The following SPATA16 variants were observed in gnomAD, a reference collection of about 807,000 sequenced individuals.
SPATA16 encodes the protein spermatogenesis associated 16.
Under a neutral mutation model 63.3 loss-of-function variants are expected in SPATA16, and 36 were observed. The observed-to-expected ratio is 0.57, with a 90% confidence interval of 0.44 to 0.75. The LOEUF (loss-of-function observed/expected upper bound fraction) is 0.75, where lower values mean the gene tolerates loss of function less well. Ranked by LOEUF, SPATA16 falls within the 30% of genes least tolerant of loss-of-function variation. The pLI is 0.00. For synonymous variants in SPATA16, 203 were observed against 216.7 expected (o/e 0.94, Z 0.56); for missense variants, 646 against 679.3 (o/e 0.95, Z 0.54).
At chr3:172,919,520 G>A (rs1732572211) in intron 8 of SPATA16, among the ~76,000 whole-genome samples, 1 of 152,122 alleles carries the variant, frequency 6.6e-6, no homozygotes, top group African/African-American at 2.4e-5. Context: ...ATCATTGTCT[G>A]ACACATAGAA....
chr3:172,979,702 G>A (rs549690901), intron 4 of SPATA16, among the ~76,000 whole-genome samples: 1 of 152,058 alleles, frequency 6.6e-6, no homozygotes, highest in Non-Finnish European at 1.5e-5. Context: ...ATTCTTAAGT[G>A]TGCTTTTTCA....
intron 6 of SPATA16, among the ~76,000 whole-genome samples, chr3:172,934,307 T>C (rs1263361208): frequency 6.6e-6 from 1 of 152,102 alleles, no homozygotes; most frequent in African/African-American, 2.4e-5. Context: ...GGAAGTGTAA[T>C]GACTTGCCCT....
At chr3:172,890,840 A>T (rs1247164109) in intron 10 of SPATA16, among the ~76,000 whole-genome samples, 1 of 151,154 alleles carries the variant, frequency 6.6e-6, no homozygotes, top group African/African-American at 2.4e-5. Flanking sequence ...TACATTTTTT[A>T]AAAAGCACAT....
intron 10 of SPATA16, among the ~76,000 whole-genome samples, chr3:172,890,631 T>G (rs1457150605): frequency 6.6e-6 from 1 of 152,112 alleles, no homozygotes; most frequent in Non-Finnish European, 1.5e-5. Context: ...TGATTTATCA[T>G]TCAGAGTAAT....
intron 2 of SPATA16, among the ~76,000 whole-genome samples, chr3:173,065,122 G>A (rs1736483587): frequency 6.6e-6 from 1 of 152,182 alleles, no homozygotes; most frequent in Non-Finnish European, 1.5e-5. Flanking sequence ...GATCAAATAA[G>A]CTTGTGATAT....
intron 10 of SPATA16, among the ~76,000 whole-genome samples, chr3:172,906,356 C>G (rs1428284442): frequency 6.6e-6 from 1 of 152,140 alleles, no homozygotes; most frequent in Non-Finnish European, 1.5e-5. Flanking sequence ...GCTCTGTATT[C>G]TTTCTGGATA....
intron 6 of SPATA16, among the ~76,000 whole-genome samples, chr3:172,935,488 T>A (rs1732964428): frequency 6.6e-6 from 1 of 152,250 alleles, no homozygotes; most frequent in Non-Finnish European, 1.5e-5. Context: ...ATAATTTTGA[T>A]AAATAATTTG....
At chr3:173,009,682 C>T (rs544088564) in intron 4 of SPATA16, among the ~76,000 whole-genome samples, 1 of 152,368 alleles carries the variant, frequency 6.6e-6, no homozygotes, top group Admixed American at 6.5e-5. Flanking sequence ...CAGGCAAGTC[C>T]CACCGGCTTG....
At chr3:172,928,529 A>T (rs1344302507) in intron 6 of SPATA16, among the ~76,000 whole-genome samples, 2 of 152,180 alleles carry the variant, frequency 1.3e-5, no homozygotes, top group African/African-American at 4.8e-5. Context: ...AACCAGCCTG[A>T]TGTTTGAGGA....
chr3:172,925,573 A>G, intron 6 of SPATA16, 81 bp from the exon 7 acceptor site: 8 of 1,562,130 alleles, frequency 5.1e-6, no homozygotes, highest in South Asian at 1.1e-5. Context: ...GATTTCAGGA[A>G]TTGTACTTGG....
At chr3:172,938,425 A>G (rs557790215) in intron 6 of SPATA16, among the ~76,000 whole-genome samples, 1 of 152,216 alleles carries the variant, frequency 6.6e-6, no homozygotes, top group Non-Finnish European at 1.5e-5. Flanking sequence ...GAAATGGGAT[A>G]AATAGATGGA....
At chr3:172,905,208 T>G (rs1422017088) in intron 10 of SPATA16, among the ~76,000 whole-genome samples, 1 of 152,088 alleles carries the variant, frequency 6.6e-6, no homozygotes, top group African/African-American at 2.4e-5. Flanking sequence ...GCAAGAAGAT[T>G]CACAATCAAA....
chr3:173,125,107 T>C (rs1738192782), intron 1 of SPATA16, among the ~76,000 whole-genome samples: 1 of 152,174 alleles, frequency 6.6e-6, no homozygotes, highest in Non-Finnish European at 1.5e-5. Flanking sequence ...TCCCATTCTC[T>C]AAAATTGTCC....
chr3:172,947,368 T>C (rs537385720), intron 6 of SPATA16, among the ~76,000 whole-genome samples: 1 of 152,262 alleles, frequency 6.6e-6, no homozygotes, highest in Non-Finnish European at 1.5e-5. Context: ...AAACATGACC[T>C]CACCAAACAA....
At chr3:173,136,049 C>A (rs2108351039) in intron 1 of SPATA16, among the ~76,000 whole-genome samples, 1 of 152,308 alleles carries the variant, frequency 6.6e-6, no homozygotes, top group Non-Finnish European at 1.5e-5. Context: ...TATCTACAAC[C>A]TTTGCATTGT....
intron 2 of SPATA16, among the ~76,000 whole-genome samples, chr3:173,093,308 A>G (rs1422916755): frequency 6.6e-6 from 1 of 152,170 alleles, no homozygotes; most frequent in Non-Finnish European, 1.5e-5. Flanking sequence ...GTACTGATTA[A>G]TGAAATAAAA....
chr3:173,101,432 T>A (rs1398927116), intron 2 of SPATA16, among the ~76,000 whole-genome samples: 1 of 152,146 alleles, frequency 6.6e-6, no homozygotes, highest in Non-Finnish European at 1.5e-5. Flanking sequence ...GGAGCCCACA[T>A]CCCCTACAGT....
chr3:173,081,466 G>T (rs1249398574), intron 2 of SPATA16, among the ~76,000 whole-genome samples: 1 of 152,164 alleles, frequency 6.6e-6, no homozygotes, highest in Non-Finnish European at 1.5e-5. Flanking sequence ...TCCAGGCAAT[G>T]GTTGACCAAA....
Position 172,925,442 on chromosome 3 carries a change from G to GA in SPATA16, c.1131dup (p.Pro378SerfsTer16). The GA allele has an allele frequency of 6.2e-7, 1 of 1,613,984 alleles. No individual in the cohort carries two copies. The highest frequency in any genetic ancestry group is 8.5e-7 in the Non-Finnish European group (1 of 1,179,946). On this transcript the variant is annotated frameshift_variant, in exon 7 of 11. Transcript: ENST00000351008. LOFTEE classifies it high-confidence loss of function. ...AGAGTCAAGAGATATTGTTGGGGAG[G>GA]AAAAGATGACCAGTCAACTGTCTGA...
Sources: gnomAD v4.1 joint callset for allele counts (sites outside exome capture counted in the v4.1 genomes callset) on GRCh38, gnomAD v4.1.1 for gene constraint, MANE v1.5 for transcripts, NCBI Gene and HGNC (gene_info 2026-07-23, HGNC 2026-07-21) for gene names.